Variants in ZNF503 observed in about 807,000 individuals in gnomAD.
The protein encoded by ZNF503 is zinc finger protein 503.
ZNF503 carries 15 observed loss-of-function variants against 34.4 expected under a neutral mutation model. The observed-to-expected ratio is 0.44, with a 90% CI of 0.29 to 0.67. The LOEUF (loss-of-function observed/expected upper bound fraction) is 0.67. ZNF503 is among the 30% of genes least tolerant of loss of function. The pLI is 0.13. For synonymous variants in ZNF503, 580 were observed against 456.8 expected (o/e 1.27, Z -3.44); for missense variants, 1,007 against 926.8 (o/e 1.09, Z -1.12).
chr10:75,294,826 G>A, the ZNF503 span, among the ~76,000 whole-genome samples: 2 of 152,122 alleles, frequency 1.3e-5, no homozygotes, highest in South Asian at 4.2e-4. Flanking sequence ...GGGTGTCAGC[G>A]AGGGGCCGCC....
chr10:75,287,873 T>C, the ZNF503 span, among the ~76,000 whole-genome samples: 2 of 152,228 alleles, frequency 1.3e-5, no homozygotes, highest in Non-Finnish European at 2.9e-5. Context: ...GTTGTCCAAG[T>C]TGGGGACATG....
chr10:75,347,402 C>T, the ZNF503 span, among the ~76,000 whole-genome samples: 1 of 152,140 alleles, frequency 6.6e-6, no homozygotes, highest in East Asian at 1.9e-4. Flanking sequence ...GAGAGGAGAA[C>T]GCGGAAGCCC....
chr10:75,315,230 T>A, the ZNF503 span, among the ~76,000 whole-genome samples: 1 of 152,054 alleles, frequency 6.6e-6, no homozygotes, highest in African/African-American at 2.4e-5. Context: ...CATGGTGGTG[T>A]GCACCTGTAA....
the ZNF503 span, among the ~76,000 whole-genome samples, chr10:75,360,061 G>A: frequency 2.0e-5 from 3 of 151,152 alleles, no homozygotes; most frequent in African/African-American, 7.3e-5. Flanking sequence ...ACGCAGAGCT[G>A]AGAAATGGAA....
the ZNF503 span, among the ~76,000 whole-genome samples, chr10:75,372,961 C>T: frequency 7.9e-5 from 12 of 152,106 alleles, no homozygotes; most frequent in African/African-American, 2.7e-4. Context: ...GAGCTTCCTT[C>T]CAGAGAGATG....
chr10:75,288,938 T>C, the ZNF503 span, among the ~76,000 whole-genome samples: 1 of 152,224 alleles, frequency 6.6e-6, no homozygotes, highest in African/African-American at 2.4e-5. Flanking sequence ...GGGGGGCTGA[T>C]CTGGCTTTGT....
At chr10:75,335,507 A>C in the ZNF503 span, among the ~76,000 whole-genome samples, 1 of 152,200 alleles carries the variant, frequency 6.6e-6, no homozygotes, top group Non-Finnish European at 1.5e-5. Flanking sequence ...AGGATCTAGA[A>C]ATCAGTAGTT....
chr10:75,293,764 A>G, the ZNF503 span, among the ~76,000 whole-genome samples: 1 of 152,092 alleles, frequency 6.6e-6, no homozygotes, highest in African/African-American at 2.4e-5. Flanking sequence ...GAAAAAAAAA[A>G]TCTCCAAGAA....
At chr10:75,315,936 CATA>C in the ZNF503 span, among the ~76,000 whole-genome samples, 3 of 152,016 alleles carry the variant, frequency 2.0e-5, no homozygotes, top group Non-Finnish European at 4.4e-5. Context: ...GTGGGGTAGA[CATA>C]AATCGACTTT....
chr10:75,393,602 T>C (rs527724876), downstream of ZNF503, among the ~76,000 whole-genome samples: 1 of 152,352 alleles, frequency 6.6e-6, no homozygotes, highest in South Asian at 2.1e-4. Flanking sequence ...CTCACGCCTG[T>C]AATCCCAGCA....
chr10:75,283,185 T>A, the ZNF503 span: 2 of 152,320 alleles, frequency 1.3e-5, no homozygotes, highest in South Asian at 4.1e-4. Flanking sequence ...TGCACATTAG[T>A]GCGTTTCCCA....
chr10:75,401,845 G>A (rs1231306068), upstream of ZNF503: 2 of 203,396 alleles, frequency 9.8e-6, no homozygotes, highest in Non-Finnish European at 2.0e-5. Flanking sequence ...ATGGGAGCCC[G>A]AGGTGATTGG....
At position 75,401,297 on chromosome 10, in the gene ZNF503, G is replaced by A; in HGVS notation, c.123C>T (p.Ser41=). The change falls in exon 1 of 2, where the codon TCC becomes TCT. Residue 41 remains serine, a synonymous_variant. Coordinates refer to ENST00000372524, the MANE Select transcript of ZNF503 (RefSeq NM_032772.6). The part of the protein sequence containing the change: ...AWTSALSGNS[S]GPGPGSSPAG... ...CCGGGGACGAGCCTGGGCCGGGGCC[G>A]GAGCTATTTCCAGAGAGCGCGCTGG... The A allele has an allele frequency of 1.9e-6, 3 of 1,563,160 alleles. No homozygotes were observed. Among genetic ancestry groups the A allele is most frequent in the Non-Finnish European group, 2.6e-6 (3 of 1,157,110 alleles).
At chr10:75,362,388 G>A in the ZNF503 span, among the ~76,000 whole-genome samples, 1 of 152,076 alleles carries the variant, frequency 6.6e-6, no homozygotes, top group South Asian at 2.1e-4. Flanking sequence ...TGTCCAAAAG[G>A]TTTGTGTGTA....
chr10:75,282,304 C>G, the ZNF503 span, among the ~76,000 whole-genome samples: 1,494 of 152,276 alleles, frequency 9.8e-3, 31 homozygotes, highest in African/African-American at 0.034. Context: ...AATAAAAAGA[C>G]AAAGCCTTGG....
the ZNF503 span, among the ~76,000 whole-genome samples, chr10:75,290,111 A>C: frequency 6.6e-6 from 1 of 152,138 alleles, no homozygotes; most frequent in Admixed American, 6.5e-5. Context: ...TGGTTTTGTG[A>C]CTGGCTTATT....
chr10:75,293,588 C>T, the ZNF503 span, among the ~76,000 whole-genome samples: 2 of 130,436 alleles, frequency 1.5e-5, no homozygotes, highest in Admixed American at 7.6e-5. Context: ...TCTCATAACA[C>T]CCTCTGTCCT....
At chr10:75,370,279 A>G in the ZNF503 span, among the ~76,000 whole-genome samples, 8 of 152,194 alleles carry the variant, frequency 5.3e-5, no homozygotes, top group Non-Finnish European at 2.9e-5. Context: ...AGACTTGTGC[A>G]AATGAATGGC....
At position 75,401,715 on chromosome 10, in the gene ZNF503, C is replaced by A; in HGVS notation, c.-296G>T. The stretch of plus-strand genomic sequence containing the variant: ...TGCGCTGCGTTCTCGCGGCCCCGCG[C>A]CGGCGCTGCGCTCTGCGATGCGAGC... On this transcript the variant is annotated 5_prime_UTR_variant, in exon 1 of 2. Transcript: ENST00000372524. The A allele has an allele frequency of 2.5e-6, 1 of 404,516 alleles. No individual in the cohort carries two copies. Among genetic ancestry groups the A allele is most frequent in the Non-Finnish European group, 4.4e-6 (1 of 228,688 alleles). 25.1% of individuals were successfully genotyped at this position (404,516 alleles called of 1,614,324 possible). A position where few individuals can be genotyped will look rare whatever the true frequency, so the allele number is the denominator to read the frequency against.
Sources: allele counts gnomAD v4.1 joint callset (sites outside exome capture counted in the v4.1 genomes callset), GRCh38; gene constraint gnomAD v4.1.1; transcripts MANE v1.5; gene names NCBI Gene and HGNC (gene_info 2026-07-23, HGNC 2026-07-21).